The following SPATA16 variants were observed in gnomAD, a reference collection of about 807,000 sequenced individuals.
The protein encoded by SPATA16 is spermatogenesis associated 16, also known as spermatogenesis-associated protein 16.
SPATA16 carries 36 observed loss-of-function variants against 63.3 expected under a neutral mutation model. That is an observed-to-expected ratio of 0.57 (90% CI 0.44 to 0.75). The LOEUF (loss-of-function observed/expected upper bound fraction) is 0.75, where lower values mean the gene tolerates loss of function less well. Among genes scored for constraint, SPATA16 ranks in the 30% least tolerant of loss-of-function variants. SPATA16 has a pLI of 0.00. For synonymous variants in SPATA16, 203 were observed against 216.7 expected (o/e 0.94, Z 0.56); for missense variants, 646 against 679.3 (o/e 0.95, Z 0.54).
At chr3:173,121,823 T>C (rs1738080212) in intron 1 of SPATA16, among the ~76,000 whole-genome samples, 1 of 152,182 alleles carries the variant, frequency 6.6e-6, no homozygotes, top group African/African-American at 2.4e-5. Context: ...TTTTTTGTTT[T>C]AAATTTGGTC....
At chr3:172,917,064 T>C (rs957749851) in intron 8 of SPATA16, among the ~76,000 whole-genome samples, 1 of 152,192 alleles carries the variant, frequency 6.6e-6, no homozygotes, top group Non-Finnish European at 1.5e-5. Context: ...ACTGGGACCA[T>C]TTCAACAACT....
chr3:172,991,952 A>G (rs1305869153), intron 4 of SPATA16, among the ~76,000 whole-genome samples: 1 of 152,206 alleles, frequency 6.6e-6, no homozygotes, highest in Non-Finnish European at 1.5e-5. Flanking sequence ...GGCTTCAGAG[A>G]CAGAATACAT....
chr3:172,976,595 G>T (rs1214948214), intron 5 of SPATA16, among the ~76,000 whole-genome samples: 1 of 152,044 alleles, frequency 6.6e-6, no homozygotes, highest in Non-Finnish European at 1.5e-5. Context: ...CCTTTATTAT[G>T]TAATTAATAT....
chr3:173,079,560 G>A lies in SPATA16; in HGVS notation c.613-30466C>T, dbSNP rs146081910. ...TTTTTCATGTGAATTTATCTCCCCC[G>A]TAAGATTTTACTTTGGCAACTTTAT... On this transcript the variant is annotated intron_variant, in intron 2 of 10. Transcript: ENST00000351008. Among the ~76,000 whole-genome samples the A allele has an allele frequency of 2.3e-4, 35 of 152,018 alleles. No individual in the cohort carries two copies. The East Asian group carries it at 4.1e-3, about 18-fold the overall frequency.
chr3:173,065,074 A>G (rs1390874886), intron 2 of SPATA16, among the ~76,000 whole-genome samples: 1 of 152,228 alleles, frequency 6.6e-6, no homozygotes, highest in Admixed American at 6.5e-5. Context: ...TCTGTTCTAC[A>G]GGATGTTAAG....
intron 3 of SPATA16, among the ~76,000 whole-genome samples, chr3:173,038,366 G>C (rs760095791): frequency 1.1e-4 from 16 of 152,026 alleles, no homozygotes; most frequent in Non-Finnish European, 1.9e-4. Flanking sequence ...TTACAGTATA[G>C]CCTGGGTGAG....
At chr3:173,056,129 T>C (rs538749085) in intron 2 of SPATA16, among the ~76,000 whole-genome samples, 1 of 152,316 alleles carries the variant, frequency 6.6e-6, no homozygotes, top group South Asian at 2.1e-4. Context: ...TGAAGTTTCA[T>C]TCACAAGCCA....
At chr3:173,106,540 C>A (rs1028958844) in intron 2 of SPATA16, among the ~76,000 whole-genome samples, 2 of 152,144 alleles carry the variant, frequency 1.3e-5, no homozygotes, top group Non-Finnish European at 2.9e-5. Context: ...TTTTTTATGT[C>A]CTTTGCTGAT....
chr3:173,001,268 G>GTTTTTTTTTTTTGTT (rs1553790841), intron 4 of SPATA16, among the ~76,000 whole-genome samples: 4 of 137,594 alleles, frequency 2.9e-5, no homozygotes, highest in African/African-American at 1.1e-4. Flanking sequence ...CTTCTCAGTT[G>GTTTTTTTTTTTTGTT]TTTTTTTTTT....
chr3:173,047,611 GTA>G (rs1462417367), intron 3 of SPATA16, among the ~76,000 whole-genome samples: 1 of 151,892 alleles, frequency 6.6e-6, no homozygotes, highest in Non-Finnish European at 1.5e-5. Context: ...TAGTTTTCAA[GTA>G]TTTTTCCCAC....
At chr3:173,039,533 A>G (rs1344799885) in intron 3 of SPATA16, among the ~76,000 whole-genome samples, 1 of 152,024 alleles carries the variant, frequency 6.6e-6, no homozygotes, top group African/African-American at 2.4e-5. Context: ...TAACAATACC[A>G]CTCCATTATG....
chr3:173,046,690 A>G (rs1330593192), intron 3 of SPATA16, among the ~76,000 whole-genome samples: 1 of 152,020 alleles, frequency 6.6e-6, no homozygotes, highest in African/African-American at 2.4e-5. Context: ...GTATATAACT[A>G]ATGGTTGTAA....
intron 6 of SPATA16, among the ~76,000 whole-genome samples, chr3:172,946,216 G>T (rs1215855145): frequency 1.3e-5 from 2 of 152,200 alleles, no homozygotes; most frequent in Non-Finnish European, 2.9e-5. Flanking sequence ...TACCCAGGGA[G>T]TACTCACCGG....
intron 5 of SPATA16, among the ~76,000 whole-genome samples, chr3:172,966,364 A>G (rs1484783134): frequency 6.6e-6 from 1 of 152,106 alleles, no homozygotes; most frequent in African/African-American, 2.4e-5. Context: ...GCTAAATATG[A>G]TATTTTCCAT....
intron 2 of SPATA16, among the ~76,000 whole-genome samples, chr3:173,049,964 C>T (rs1736046813): frequency 6.6e-6 from 1 of 151,958 alleles, no homozygotes; most frequent in African/African-American, 2.4e-5. Flanking sequence ...CGCCTTTTTG[C>T]TCTTTTCTAC....
chr3:172,899,307 C>T (rs1356236973), intron 10 of SPATA16, among the ~76,000 whole-genome samples: 1 of 151,906 alleles, frequency 6.6e-6, no homozygotes, highest in African/African-American at 2.4e-5. Flanking sequence ...ATTTTGCAGA[C>T]CCTCTTGTTT....
At chr3:173,045,502 G>T (rs1735935185) in intron 3 of SPATA16, among the ~76,000 whole-genome samples, 1 of 151,938 alleles carries the variant, frequency 6.6e-6, no homozygotes, top group Non-Finnish European at 1.5e-5. Flanking sequence ...AAAATTCATG[G>T]GTTTATAATT....
At chr3:173,073,731 C>A (rs940544301) in intron 2 of SPATA16, among the ~76,000 whole-genome samples, 8 of 152,224 alleles carry the variant, frequency 5.3e-5, no homozygotes, top group African/African-American at 1.9e-4. Flanking sequence ...GTTGAAACCC[C>A]CACACAGAGT....
chr3:172,992,302 G>T (rs1025863422), intron 4 of SPATA16, among the ~76,000 whole-genome samples: 1 of 152,046 alleles, frequency 6.6e-6, no homozygotes, highest in Non-Finnish European at 1.5e-5. Context: ...ATATAAATAA[G>T]TAATTTTGGA....
Sources: allele counts gnomAD v4.1 joint callset (sites outside exome capture counted in the v4.1 genomes callset), GRCh38; gene constraint gnomAD v4.1.1; transcripts MANE v1.5; gene names NCBI Gene and HGNC (gene_info 2026-07-23, HGNC 2026-07-21).